The following WAPL variants were observed in gnomAD, a reference collection of about 807,000 sequenced individuals.
The protein encoded by WAPL is wings apart-like protein homolog.
In WAPL, 5 loss-of-function variants were observed where a neutral mutation model predicts 121.0. The ratio of observed to expected loss-of-function variants is 0.04; its 90% confidence interval spans 0.02 to 0.09. The LOEUF (loss-of-function observed/expected upper bound fraction) is 0.09. WAPL is among the 10% of genes least tolerant of loss of function. The probability of loss-of-function intolerance (pLI) is 1.00; values close to 1 mark genes in which losing one functional copy is unlikely to be tolerated. For synonymous variants in WAPL, 480 were observed against 481.5 expected (o/e 1.00, Z 0.04); for missense variants, 999 against 1,410.8 (o/e 0.71, Z 4.68).
At chr10:86,516,862 A>T (rs1842564499) in intron 2 of WAPL, among the ~76,000 whole-genome samples, 1 of 152,170 alleles carries the variant, frequency 6.6e-6, no homozygotes, top group Admixed American at 6.5e-5. Context: ...AGGCGGGCAG[A>T]TCACGAGGTC....
chr10:86,471,103 A>G lies in WAPL; in HGVS notation c.2031T>C (p.Ser677=). ...STQPLNTRCL[S]VISLATKCAM... Reference sequence around the variant, plus strand: ...CACATTTAGTAGCCAAGCTAATAACACTACAAGAAAATAGAGCAGGTTAGG... The same window carrying G: ...CACATTTAGTAGCCAAGCTAATAACGCTACAAGAAAATAGAGCAGGTTAGG... The change falls in exon 8 of 19, where the codon AGT becomes AGC. Residue 677 remains serine (S), a splice_region_variant and synonymous_variant. Coordinates refer to ENST00000298767, the MANE Select transcript of WAPL (RefSeq NM_015045.5). 6.2e-7 allele frequency: 1 copy of G among 1,613,398 alleles called. No individual in the cohort carries two copies. The highest frequency in any genetic ancestry group is 8.5e-7 in the Non-Finnish European group (1 of 1,179,564).
chr10:86,519,715 C>T (rs1311175729), intron 1 of WAPL, among the ~76,000 whole-genome samples: 1 of 152,162 alleles, frequency 6.6e-6, no homozygotes, highest in Non-Finnish European at 1.5e-5. Flanking sequence ...AAATAAAAAT[C>T]GATTCTCTGT....
chr10:86,465,850 A>G (rs1353377978), intron 9 of WAPL, among the ~76,000 whole-genome samples: 1 of 152,174 alleles, frequency 6.6e-6, no homozygotes, highest in Non-Finnish European at 1.5e-5. Context: ...GTCCATTGTG[A>G]ACAGTAGACA....
At chr10:86,489,621 G>C (rs1431798610) in intron 4 of WAPL, among the ~76,000 whole-genome samples, 1 of 152,128 alleles carries the variant, frequency 6.6e-6, no homozygotes, top group Non-Finnish European at 1.5e-5. Context: ...CTAATGGAAA[G>C]AGGCCAGGGA....
intron 9 of WAPL, among the ~76,000 whole-genome samples, chr10:86,466,852 CCAT>C (rs1167987022): frequency 6.6e-6 from 1 of 152,098 alleles, no homozygotes; most frequent in Non-Finnish European, 1.5e-5. Flanking sequence ...GTGCACACCA[CCAT>C]ATCTGGCTGA....
chr10:86,509,883 G>A (rs1308945188), intron 2 of WAPL, among the ~76,000 whole-genome samples: 2 of 151,164 alleles, frequency 1.3e-5, no homozygotes, highest in Non-Finnish European at 2.9e-5. Flanking sequence ...TCCTGCCTCA[G>A]GCTCCGGACT....
intron 12 of WAPL, among the ~76,000 whole-genome samples, chr10:86,455,403 A>G (rs1485710395): frequency 2.6e-5 from 4 of 152,320 alleles, no homozygotes; most frequent in Admixed American, 6.5e-5. Flanking sequence ...GCTCTCTGAA[A>G]CATGTGCTGT....
Position 86,521,605 on chromosome 10 carries a change from G to A in WAPL, c.-263C>T, listed in dbSNP as rs1051568313. ...GCCGGGCCCAGGCCTAGCTCTCGCT[G>A]GCCGCCACTGCTGGAGCTGGTAACA... On this transcript the variant is annotated 5_prime_UTR_variant, in exon 1 of 19. Transcript: ENST00000298767. 8.8e-6 allele frequency: 4 copies of A among 454,148 alleles called. No individual in the cohort carries two copies. Among genetic ancestry groups the A allele is most frequent in the Non-Finnish European group, 1.8e-5 (4 of 221,056 alleles). 28.1% of individuals were successfully genotyped at this position (454,148 alleles called of 1,614,324 possible).
At chr10:86,466,690 T>C (rs1841405370) in intron 9 of WAPL, among the ~76,000 whole-genome samples, 1 of 10,926 alleles carries the variant, frequency 9.2e-5, no homozygotes, top group South Asian at 3.5e-3. Flanking sequence ...AAATTCCTAA[T>C]ATACATGTAG....
At chr10:86,440,882 G>GGA (rs1554825372) in intron 17 of WAPL, among the ~76,000 whole-genome samples, 10,322 of 130,506 alleles carry the variant, frequency 0.079, 446 homozygotes, top group Middle Eastern at 0.14. Context: ...TACACAAAGT[G>GGA]AAAAAAAAAA....
chr10:86,519,133 C>CAA (rs141958872), intron 1 of WAPL, among the ~76,000 whole-genome samples: 21 of 146,326 alleles, frequency 1.4e-4, no homozygotes, highest in East Asian at 9.8e-4. Context: ...CTTCACAGGA[C>CAA]AAAAAAAAAA....
At chr10:86,453,557 TAA>T in intron 13 of WAPL, 97 bp downstream of exon 13, 1 of 1,390,718 alleles carries the variant, frequency 7.2e-7, no homozygotes, top group Non-Finnish European at 9.7e-7. Flanking sequence ...TTATGACAAA[TAA>T]AAAAATCACT....
chr10:86,457,430 A>G (rs889020825), intron 12 of WAPL, among the ~76,000 whole-genome samples: 2 of 151,790 alleles, frequency 1.3e-5, no homozygotes, highest in Admixed American at 1.3e-4. Context: ...AGGCGGGTGG[A>G]TCACCTGAGG....
intron 15 of WAPL, among the ~76,000 whole-genome samples, chr10:86,447,239 TAGAC>T (rs1199027247): frequency 2.0e-5 from 3 of 152,322 alleles, no homozygotes; most frequent in African/African-American, 7.2e-5. Context: ...TCAGTAAATA[TAGAC>T]AGATAAAGCA....
At chr10:86,451,463 TCA>T (rs1187789194) in intron 15 of WAPL, among the ~76,000 whole-genome samples, 1 of 151,754 alleles carries the variant, frequency 6.6e-6, no homozygotes, top group East Asian at 1.9e-4. Flanking sequence ...CCACTTCGGC[TCA>T]CCGCAACTTC....
chr10:86,445,727 G>C (rs1288033487), intron 16 of WAPL, among the ~76,000 whole-genome samples: 1 of 151,928 alleles, frequency 6.6e-6, no homozygotes, highest in Non-Finnish European at 1.5e-5. Flanking sequence ...GGTCTTGCTA[G>C]ATTGTTGTCT....
intron 4 of WAPL, among the ~76,000 whole-genome samples, chr10:86,484,462 T>C (rs1841881831): frequency 6.6e-6 from 1 of 152,160 alleles, no homozygotes; most frequent in Non-Finnish European, 1.5e-5. Flanking sequence ...ACCACTGCAC[T>C]TCAACCTAGG....
At chr10:86,449,110 G>GA (rs1158631972) in intron 15 of WAPL, among the ~76,000 whole-genome samples, 3 of 152,298 alleles carry the variant, frequency 2.0e-5, no homozygotes, top group Middle Eastern at 6.8e-3. Context: ...AAATAGGTAA[G>GA]AAAAGAACAG....
At chr10:86,515,216 G>A (rs900108866) in intron 2 of WAPL, among the ~76,000 whole-genome samples, 1 of 151,068 alleles carries the variant, frequency 6.6e-6, no homozygotes, top group African/African-American at 2.4e-5. Flanking sequence ...AGCCAAGATA[G>A]CGCCATCGCA....
Sources: gnomAD v4.1 joint callset for allele counts (sites outside exome capture counted in the v4.1 genomes callset) on GRCh38, gnomAD v4.1.1 for gene constraint, MANE v1.5 for transcripts, NCBI Gene and HGNC (gene_info 2026-07-23, HGNC 2026-07-21) for gene names.